The following HYDIN variants were observed in gnomAD, a reference collection of about 807,000 sequenced individuals.
HYDIN encodes axonemal central pair apparatus protein HYDIN.
A neutral mutation model predicts 403.9 loss-of-function variants in HYDIN; 132 were observed. The ratio of observed to expected loss-of-function variants is 0.33; its 90% CI spans 0.28 to 0.38. HYDIN has a LOEUF of 0.38. Ranked by LOEUF, HYDIN falls within the 10% of genes least tolerant of loss-of-function variation. The pLI is 1.00. For synonymous variants in HYDIN, 1,202 were observed against 1,891.7 expected (o/e 0.64, Z 9.46); for missense variants, 2,827 against 5,009.5 (o/e 0.56, Z 13.15).
At chr16:71,017,272 C>G (rs1003738227) in intron 23 of HYDIN, among the ~76,000 whole-genome samples, 7 of 150,338 alleles carry the variant, frequency 4.7e-5, no homozygotes, top group Non-Finnish European at 8.8e-5. Flanking sequence ...ATCGCTTGAA[C>G]CTGGGAGGCA....
intron 84 of HYDIN, among the ~76,000 whole-genome samples, chr16:70,810,867 G>C (rs530492549): frequency 1.3e-5 from 2 of 152,032 alleles, no homozygotes; most frequent in Non-Finnish European, 2.9e-5. Flanking sequence ...AATACACATC[G>C]AAATGAAAGG....
intron 23 of HYDIN, among the ~76,000 whole-genome samples, chr16:71,006,597 T>C (rs1278190386): frequency 1.3e-5 from 2 of 151,930 alleles, no homozygotes; most frequent in Non-Finnish European, 2.9e-5. Flanking sequence ...TCACTAAAAA[T>C]CCCCTGTAGG....
chr16:71,149,432 A>C (rs1324753412), intron 7 of HYDIN, among the ~76,000 whole-genome samples: 1 of 151,248 alleles, frequency 6.6e-6, no homozygotes, highest in Non-Finnish European at 1.5e-5. Context: ...TTAAATATTT[A>C]CCCAAGAGAA....
Position 70,932,368 on chromosome 16 carries a change from A to G in HYDIN, c.7158+3584T>C, listed in dbSNP as rs539868106. ...AGATTCTGTCTCAAAAAATAAAGAA[A>G]TAAAAAATAAACAAAAACATACCCA... On this transcript the variant is annotated intron_variant, in intron 45 of 85. Transcript: ENST00000393567. Among the ~76,000 whole-genome samples the G allele has an allele frequency of 3.4e-3, 511 of 152,290 alleles. 3 individuals carry two copies. Among genetic ancestry groups the G allele is most frequent in the Non-Finnish European group, 2.3e-3 (156 of 68,008 alleles).
chr16:70,934,430 G>C (rs2077441058), intron 45 of HYDIN, among the ~76,000 whole-genome samples: 1 of 152,154 alleles, frequency 6.6e-6, no homozygotes, highest in South Asian at 2.1e-4. Flanking sequence ...CAGGTGTGCT[G>C]ACGGTCGAAG....
intron 23 of HYDIN, among the ~76,000 whole-genome samples, chr16:71,003,275 A>C (rs1272404883): frequency 2.6e-5 from 4 of 152,192 alleles, no homozygotes; most frequent in African/African-American, 9.7e-5. Flanking sequence ...TCTGATTGGA[A>C]GTACATTTAA....
chr16:70,825,798 C>T (rs77260996), intron 83 of HYDIN, among the ~76,000 whole-genome samples: 4,100 of 150,026 alleles, frequency 0.027, 77 homozygotes, highest in Non-Finnish European at 0.042. Flanking sequence ...CGGAGTCATA[C>T]AATATGTGAA....
chr16:71,185,108 C>T (rs1265936333), intron 2 of HYDIN, 118 bp from the exon 3 acceptor site: 3 of 534,764 alleles, frequency 5.6e-6, no homozygotes, highest in Non-Finnish European at 8.9e-6. Context: ...TTCTGGAATG[C>T]CACTAAGTTC....
intron 23 of HYDIN, among the ~76,000 whole-genome samples, chr16:70,999,328 T>C (rs924535342): frequency 1.3e-5 from 2 of 151,326 alleles, no homozygotes; most frequent in African/African-American, 4.9e-5. Context: ...TAGAAGATGG[T>C]AGTGAGAAGG....
At chr16:70,963,315 T>C (rs2078476870) in intron 37 of HYDIN, among the ~76,000 whole-genome samples, 1 of 149,624 alleles carries the variant, frequency 6.7e-6, no homozygotes, top group Admixed American at 6.7e-5. Context: ...TCCCAATTCA[T>C]ATGTGGAAGT....
intron 75 of HYDIN, among the ~76,000 whole-genome samples, chr16:70,845,491 T>C (rs1305179975): frequency 9.2e-6 from 1 of 108,836 alleles, no homozygotes; most frequent in Non-Finnish European, 1.7e-5. Flanking sequence ...AGGATATTGG[T>C]CTAAAATTCT....
rs998529666 is a variant in HYDIN at position 70,803,154 on chromosome 16, T to C, written c.*4426A>G. The stretch of plus-strand genomic sequence containing the variant: ...ATACAGTTTTTAATAATTCAAACAA[T>C]AAGGAATTTTTTTTTTACCAGAAGT... On this transcript the variant is annotated 3_prime_UTR_variant, in exon 86 of 86. Transcript: ENST00000393567. Among the ~76,000 whole-genome samples, 2 of 152,158 alleles carry C rather than the reference T, an allele frequency of 1.3e-5. No homozygotes were observed. Among genetic ancestry groups the C allele is most frequent in the Non-Finnish European group, 2.9e-5 (2 of 68,020 alleles).
intron 45 of HYDIN, among the ~76,000 whole-genome samples, chr16:70,923,796 C>T (rs2502713): frequency 1.9e-4 from 27 of 145,852 alleles, no homozygotes; most frequent in African/African-American, 5.3e-4. Flanking sequence ...ACTCCGGCCT[C>T]GGCGACAGAG....
At chr16:70,842,435 T>A (rs954265696) in intron 75 of HYDIN, among the ~76,000 whole-genome samples, 1 of 151,820 alleles carries the variant, frequency 6.6e-6, no homozygotes, top group Non-Finnish European at 1.5e-5. Flanking sequence ...TTATAAAATA[T>A]CTTTATCTCT....
chr16:70,991,395 T>C lies in HYDIN; in HGVS notation c.3787A>G (p.Thr1263Ala), dbSNP rs987705023. 2.5e-6 allele frequency: 4 copies of C among 1,613,374 alleles called. No homozygotes were observed. The African/African-American group carries it at 4.0e-5, about 16-fold the overall frequency. ...PEMDLNDFVK[T>A]VLVDEDARPE... ...CTGGCATCTTCATCCACAAGGACAG[T>C]CCTAGGAAGTTTAATGAAATGCAGA... Residue 1263 changes from threonine to alanine, a missense_variant and splice_region_variant, in exon 25 of 86, where the codon ACT (threonine) becomes GCT (alanine). Coordinates refer to ENST00000393567, the MANE Select transcript of HYDIN (RefSeq NM_001270974.2).
chr16:70,971,766 T>A (rs544174695), intron 35 of HYDIN, among the ~76,000 whole-genome samples: 1 of 151,054 alleles, frequency 6.6e-6, no homozygotes, highest in Non-Finnish European at 1.5e-5. Context: ...TAGTACCTTA[T>A]GATTCAAACT....
intron 1 of HYDIN, among the ~76,000 whole-genome samples, chr16:71,225,806 C>T (rs2041009127): frequency 6.6e-6 from 1 of 151,804 alleles, no homozygotes; most frequent in Non-Finnish European, 1.5e-5. Context: ...AATTTTAAAA[C>T]AGTATCATAT....
chr16:71,196,652 T>G (rs1039032469), intron 1 of HYDIN, among the ~76,000 whole-genome samples: 1 of 152,144 alleles, frequency 6.6e-6, no homozygotes, highest in Non-Finnish European at 1.5e-5. Context: ...CCCAGCCAGT[T>G]AGGCATTCTA....
chr16:70,956,127 G>A (rs2078228101), intron 39 of HYDIN, among the ~76,000 whole-genome samples: 1 of 152,034 alleles, frequency 6.6e-6, no homozygotes. Context: ...GTCTGTTTAA[G>A]AAACAGGTTC....
Sources: allele counts gnomAD v4.1 joint callset (sites outside exome capture counted in the v4.1 genomes callset), GRCh38; gene constraint gnomAD v4.1.1; transcripts MANE v1.5; gene names NCBI Gene and HGNC (gene_info 2026-07-23, HGNC 2026-07-21).